MTOR: variants seen among roughly 807,000 people sequenced by gnomAD.
The protein encoded by MTOR is mechanistic target of rapamycin kinase.
A neutral mutation model predicts 319.8 loss-of-function variants in MTOR; 70 were observed. The ratio of observed to expected loss-of-function variants is 0.22; its 90% CI spans 0.18 to 0.27. The LOEUF (loss-of-function observed/expected upper bound fraction) is 0.27, where lower values mean the gene tolerates loss of function less well. Ranked by LOEUF, MTOR falls within the 10% of genes least tolerant of loss-of-function variation. The pLI is 1.00. For missense variants in MTOR, 1,890 were observed against 3,274.4 expected (o/e 0.58, Z 10.32); for synonymous variants, 1,183 against 1,211.4 (o/e 0.98, Z 0.49).
chr1:11,231,466 C>T (rs2100868746), intron 16 of MTOR, 32 bp from the exon 17 acceptor site: 1 of 1,611,136 alleles, frequency 6.2e-7, no homozygotes, highest in South Asian at 1.1e-5. Context: ...ATTCAATGAG[C>T]CAGTACGAGA....
rs1291168931 is a variant in MTOR at position 11,127,661 on chromosome 1, C to T, written c.6179G>A (p.Arg2060Gln). 30 of 1,614,010 alleles carry T rather than the reference C, an allele frequency of 1.9e-5. No individual in the cohort carries two copies. The highest frequency in any genetic ancestry group is 2.3e-5 in the Non-Finnish European group (27 of 1,179,992). Residue 2060 changes from arginine to glutamine, a missense_variant, in exon 44 of 58, where the codon CGG becomes CAG. By Grantham distance (43) the Arg-to-Gln change is conservative. This residue lies in a region of MTOR where 249 missense variants were observed against 596.2 expected (regional missense o/e 0.42). Transcript: ENST00000361445. This position sits in a 1 kb window ranked among gnomAD's most constrained non-coding sequence, Gnocchi z 5.5. The stretch of plus-strand genomic sequence containing the variant: ...TGTTTCCTTCAGAGTCTGGGGGCCC[C>T]GTTCCATCATAGCATGCAAGGGCTC... ...VLEPLHAMME[R>Q]GPQTLKETSF... is the part of the protein sequence containing the mutation.
intron 34 of MTOR, among the ~76,000 whole-genome samples, chr1:11,140,025 A>G (rs1316126791): frequency 6.6e-6 from 1 of 152,026 alleles, no homozygotes; most frequent in Non-Finnish European, 1.5e-5. Context: ...GTGTTTCACC[A>G]TGATGGCAAG....
chr1:11,129,921 C>A lies in MTOR; in HGVS notation c.5614-83G>T. ...TGGGCATAAGAGCATACTAACTGTA[C>A]CTACTTCAAAGGGTGGTTATAACAA... On this transcript the variant is annotated intron_variant, in intron 39 of 57. Coordinates refer to ENST00000361445, the MANE Select transcript of MTOR (RefSeq NM_004958.4). This position sits in a 1 kb window ranked among gnomAD's most constrained non-coding sequence, Gnocchi z 4.7. The A allele has an allele frequency of 8.5e-7, 1 of 1,175,322 alleles. No homozygotes were observed. Among genetic ancestry groups the A allele is most frequent in the Non-Finnish European group, 1.3e-6 (1 of 796,502 alleles). The allele number at this position is 1,175,322 out of a possible 1,614,324, so 72.8% of individuals were successfully genotyped here.
rs887666219 is a variant in MTOR at position 11,109,434 on chromosome 1, C to T, written c.7448-64G>A. On this transcript the variant is annotated intron_variant, in intron 55 of 57. Transcript: ENST00000361445. This position sits in a 1 kb window ranked among gnomAD's most constrained non-coding sequence, Gnocchi z 4.0. The stretch of plus-strand genomic sequence containing the variant: ...AGCAATACAACAGGTTCAATGGGTG[C>T]CCTGTTTTTCTCAAATATTCACTTT... The T allele has an allele frequency of 6.9e-7, 1 of 1,444,358 alleles. No homozygotes were observed. Among genetic ancestry groups the T allele is most frequent in the African/African-American group, 1.4e-5 (1 of 70,718 alleles). 89.5% of individuals were successfully genotyped at this position (1,444,358 alleles called of 1,614,324 possible).
At chr1:11,210,452 T>A (rs898156650) in intron 24 of MTOR, among the ~76,000 whole-genome samples, 1 of 152,196 alleles carries the variant, frequency 6.6e-6, no homozygotes, top group South Asian at 2.1e-4. Flanking sequence ...TGTTTTTATA[T>A]AGCCCAAGAG....
chr1:11,157,130 G>A (rs2100566519), intron 30 of MTOR, 22 bp downstream of exon 30: 1 of 1,576,100 alleles, frequency 6.3e-7, no homozygotes, highest in African/African-American at 1.4e-5. Flanking sequence ...AGCCACACAT[G>A]CCATCATTCT....
At chr1:11,256,214 G>T in intron 4 of MTOR, 22 bp from the exon 5 acceptor site, 1 of 1,606,414 alleles carries the variant, frequency 6.2e-7, no homozygotes, top group Admixed American at 1.7e-5. Context: ...AGCAAACCGA[G>T]AACTCTCATT....
rs141936187 is a variant in MTOR at position 11,248,046 on chromosome 1, C to T, written c.889G>A (p.Asp297Asn). 4.8e-5 allele frequency: 77 copies of T among 1,613,420 alleles called. No homozygotes were observed. The highest frequency in any genetic ancestry group is 1.6e-4 in the Middle Eastern group (1 of 6,080). ...EEITQQQLVH[D>N]KYCKDLMGFG... ...CCCATGAGATCTTTGCAGTACTTGT[C>T]GTGTACCAGCTGCTGCTGTGTGATT... The change falls in exon 7 of 58, where the codon GAC becomes AAC. Residue 297 changes from aspartate to asparagine, a missense_variant. Transcript: ENST00000361445.
chr1:11,109,228 C>G lies in MTOR; in HGVS notation c.7528+62G>C. On this transcript the variant is annotated intron_variant, in intron 56 of 57. Transcript: ENST00000361445. The surrounding 1 kb of genome is among the most constrained non-coding windows in gnomAD (Gnocchi z 4.0). The stretch of plus-strand genomic sequence containing the variant: ...CCACTGGACATGGGGCTGACCACCA[C>G]TCAGAGAGGAAAGTGTGCTCAGATT... 1 of 1,500,212 alleles carries G rather than the reference C, an allele frequency of 6.7e-7. No individual in the cohort carries two copies. Among genetic ancestry groups the G allele is most frequent in the Non-Finnish European group, 9.2e-7 (1 of 1,085,124 alleles). The allele number at this position is 1,500,212 out of a possible 1,614,324, so 92.9% of individuals were successfully genotyped here. A position where few individuals can be genotyped will look rare whatever the true frequency, so the allele number is the denominator to read the frequency against.
In MTOR at chr1:11,107,023, C is replaced by A. The variant is rs548188394; in HGVS notation, c.*462G>T. 4.4e-6 allele frequency: 6 copies of A among 1,371,098 alleles called. No homozygotes were observed. Among genetic ancestry groups the A allele is most frequent in the Non-Finnish European group, 5.8e-6 (6 of 1,039,110 alleles). The allele number at this position is 1,371,098 out of a possible 1,614,324, so 84.9% of individuals were successfully genotyped here. ...GGATAGGTGGCAGGGGTGAGGTCAG[C>A]ATCTTCTGTGTCTTTACAGTCTAGG... On this transcript the variant is annotated 3_prime_UTR_variant, in exon 58 of 58. Coordinates refer to ENST00000361445, the MANE Select transcript of MTOR (RefSeq NM_004958.4).
chr1:11,244,828 G>C (rs998128132), intron 8 of MTOR, among the ~76,000 whole-genome samples: 2 of 152,122 alleles, frequency 1.3e-5, no homozygotes, highest in Non-Finnish European at 2.9e-5. Context: ...ATTCATTACA[G>C]TAACATGCTG....
At chr1:11,136,573 C>T (rs1410680185) in intron 36 of MTOR, among the ~76,000 whole-genome samples, 1 of 152,162 alleles carries the variant, frequency 6.6e-6, no homozygotes, top group Non-Finnish European at 1.5e-5. Flanking sequence ...AATGATAGCT[C>T]CCTGCAGACT....
Position 11,120,815 on chromosome 1 carries a change from T to A in MTOR, c.6933+431A>T, listed in dbSNP as rs534593809. ...ATTTTTAAAAATTTACATTTCTTAT[T>A]GTTATATATATTTTTAAAAAATATT... On this transcript the variant is annotated intron_variant, in intron 49 of 57. Coordinates refer to ENST00000361445, the MANE Select transcript of MTOR (RefSeq NM_004958.4). 9.9e-4 allele frequency among the ~76,000 whole-genome samples: 151 copies of A among 152,268 alleles called. 1 individual carries two copies. The highest frequency in any genetic ancestry group is 5.2e-3 in the South Asian group (25 of 4,828).
chr1:11,243,275 C>A lies in MTOR; in HGVS notation c.1251G>T (p.Met417Ile). 1 of 1,614,150 alleles carries A rather than the reference C, an allele frequency of 6.2e-7. No individual in the cohort carries two copies. The highest frequency in any genetic ancestry group is 1.3e-5 in the African/African-American group (1 of 75,040). The change falls in exon 9 of 58, where the codon ATG becomes ATT. Residue 417 changes from methionine to isoleucine, a missense_variant. By Grantham distance (10) the Met-to-Ile change is conservative (BLOSUM62 1). Around this residue, in one of 15 missense-constraint regions of MTOR, gnomAD observed 418 missense variants for 543.1 expected, o/e 0.77. Coordinates refer to ENST00000361445, the MANE Select transcript of MTOR (RefSeq NM_004958.4). ...FTDTQYLQDT[M>I]NHVLSCVKKE... ...TCTTGACACAGCTTAGGACATGGTT[C>A]ATGGTATCTTGGAGATACTGGGTAT...
At chr1:11,154,286 T>C (rs985127419) in intron 30 of MTOR, among the ~76,000 whole-genome samples, 2 of 151,886 alleles carry the variant, frequency 1.3e-5, no homozygotes, top group African/African-American at 4.8e-5. Flanking sequence ...ATTTTTGTTG[T>C]TGTTGTTGTT....
At chr1:11,196,587 G>A (rs756254971) in intron 28 of MTOR, among the ~76,000 whole-genome samples, 3 of 152,208 alleles carry the variant, frequency 2.0e-5, no homozygotes, top group Non-Finnish European at 4.4e-5. Flanking sequence ...GCACGCGGTG[G>A]CTCACGCCTG....
At chr1:11,195,528 C>G (rs1421907471) in intron 28 of MTOR, 2 of 155,528 alleles carry the variant, frequency 1.3e-5, no homozygotes, top group East Asian at 3.8e-4. Flanking sequence ...GTGAAATTAT[C>G]TTGAGTCTAC....
Position 11,129,096 on chromosome 1 carries a change from G to T in MTOR, c.5715-145C>A. On this transcript the variant is annotated intron_variant, in intron 40 of 57. Transcript: ENST00000361445. This position sits in a 1 kb window ranked among gnomAD's most constrained non-coding sequence, Gnocchi z 4.7. Reference sequence around the variant, plus strand: ...TGTGTTTGGCCTCCCATGGGAGCAGGTGTCTGTGATGGGTGGCAGTGCTCT... The same window carrying T: ...TGTGTTTGGCCTCCCATGGGAGCAGTTGTCTGTGATGGGTGGCAGTGCTCT... 1.5e-6 allele frequency: 1 copy of T among 662,526 alleles called. No individual in the cohort carries two copies. The allele number at this position is 662,526 out of a possible 1,614,324, so 41.0% of individuals were successfully genotyped here. A position where few individuals can be genotyped will look rare whatever the true frequency, so the allele number is the denominator to read the frequency against.
Position 11,114,562 on chromosome 1 carries a change from C to T in MTOR, c.7165-109G>A, listed in dbSNP as rs145683520. The T allele has an allele frequency of 5.1e-5, 74 of 1,462,904 alleles. No individual in the cohort carries two copies. In the African/African-American group the frequency reaches 8.3e-4, roughly 16 times the overall value. The allele number at this position is 1,462,904 out of a possible 1,614,324, so 90.6% of individuals were successfully genotyped here. The stretch of plus-strand genomic sequence containing the variant: ...AGGAAGCAGACACAGGCCATGTTGA[C>T]GTATCAGGGTGAGAATGTCTTAGGA... On this transcript the variant is annotated intron_variant, in intron 52 of 57. Transcript: ENST00000361445.
Sources: allele counts gnomAD v4.1 joint callset (sites outside exome capture counted in the v4.1 genomes callset), GRCh38; gene constraint gnomAD v4.1.1; regional missense constraint gnomAD v4.1.1; non-coding constraint Gnocchi (gnomAD v3.1); transcripts MANE v1.5; gene names NCBI Gene and HGNC (gene_info 2026-07-23, HGNC 2026-07-21).